The following IQSEC1 variants were observed in gnomAD, a reference collection of about 807,000 sequenced individuals.
IQSEC1 encodes IQ motif and SEC7 domain-containing protein 1.
Under a neutral mutation model 91.0 loss-of-function variants are expected in IQSEC1, and 31 were observed. The ratio of observed to expected loss-of-function variants is 0.34; its 90% CI spans 0.26 to 0.46. The LOEUF (loss-of-function observed/expected upper bound fraction) is 0.46, where lower values mean the gene tolerates loss of function less well. Among genes scored for constraint, IQSEC1 ranks in the 20% least tolerant of loss-of-function variants. IQSEC1 has a pLI of 1.00. For synonymous variants in IQSEC1, 699 were observed against 662.6 expected (o/e 1.05, Z -0.84); for missense variants, 1,388 against 1,575.6 (o/e 0.88, Z 2.02).
At chr3:13,077,113 A>C (rs1251053031), upstream of IQSEC1, among the ~76,000 whole-genome samples, 1 of 151,582 alleles carries the variant, frequency 6.6e-6, no homozygotes, top group Non-Finnish European at 1.5e-5. Context: ...ACCATAGCAC[A>C]CTACAGCCTC....
At chr3:12,959,817 C>T (rs1438519215) in intron 1 of IQSEC1, among the ~76,000 whole-genome samples, 1 of 152,222 alleles carries the variant, frequency 6.6e-6, no homozygotes, top group Non-Finnish European at 1.5e-5. Context: ...GTACGTTGCA[C>T]ATTTTACATA....
chr3:13,045,398 C>T (rs1294029311), intron 1 of IQSEC1, among the ~76,000 whole-genome samples: 3 of 152,198 alleles, frequency 2.0e-5, no homozygotes, highest in Non-Finnish European at 4.4e-5. Context: ...TCCTGAGTGC[C>T]CGACACCCGC....
At chr3:13,084,346 C>A (rs1030749676) in intron 2 of IQSEC1, among the ~76,000 whole-genome samples, 3 of 152,178 alleles carry the variant, frequency 2.0e-5, no homozygotes, top group Admixed American at 6.5e-5. Flanking sequence ...CCCTGACATA[C>A]TCAGCTCAAA....
chr3:13,276,334 C>G (rs922377537), intron 1 of IQSEC1, among the ~76,000 whole-genome samples: 1 of 152,006 alleles, frequency 6.6e-6, no homozygotes, highest in African/African-American at 2.4e-5. Context: ...GTGATCCGCC[C>G]GCCTCGGCCT....
chr3:12,961,052 C>G lies in IQSEC1; in HGVS notation c.24-19187G>C, dbSNP rs545271479. Among the ~76,000 whole-genome samples the G allele has an allele frequency of 2.6e-5, 4 of 152,380 alleles. No individual in the cohort carries two copies. In the East Asian group the frequency reaches 7.7e-4, roughly 29 times the overall value. ...CACTGCAGCAAGCTGCCTCCCCTCCCAGGCAGACAGACCAGCTGAAGAGGA... is the reference window on the plus strand; with the variant it reads ...CACTGCAGCAAGCTGCCTCCCCTCCGAGGCAGACAGACCAGCTGAAGAGGA... On this transcript the variant is annotated intron_variant, in intron 1 of 13. Coordinates refer to ENST00000613206, the MANE Select transcript of IQSEC1 (RefSeq NM_001134382.3).
At chr3:13,014,353 A>G (rs1703020373) in intron 1 of IQSEC1, among the ~76,000 whole-genome samples, 2 of 152,304 alleles carry the variant, frequency 1.3e-5, no homozygotes, top group South Asian at 2.1e-4. Flanking sequence ...TATGGGTTAT[A>G]TGGAAACCCA....
At position 12,909,168 on chromosome 3, in the gene IQSEC1, G is replaced by A; in HGVS notation, c.2578+105C>T. The A allele has an allele frequency of 8.3e-7, 1 of 1,203,664 alleles. No homozygotes were observed. Among genetic ancestry groups the A allele is most frequent in the Non-Finnish European group, 1.2e-6 (1 of 838,250 alleles). 74.6% of individuals were successfully genotyped at this position (1,203,664 alleles called of 1,614,324 possible). ...ATAGGGAAGGCCAGAAAAGACTGGG[G>A]GACATCTTGTCTCTGTGAGCTCAGA... is the stretch of plus-strand genomic sequence containing the variant. On this transcript the variant is annotated intron_variant, in intron 11 of 13. Transcript: ENST00000613206. The surrounding 1 kb of genome is among the most constrained non-coding windows in gnomAD (Gnocchi z 4.9).
Position 12,992,984 on chromosome 3 carries a change from G to A in IQSEC1, c.24-51119C>T, listed in dbSNP as rs867313477. Among the ~76,000 whole-genome samples, 6 of 152,130 alleles carry A rather than the reference G, an allele frequency of 3.9e-5. No individual in the cohort carries two copies. The highest frequency in any genetic ancestry group is 2.0e-4 in the Admixed American group (3 of 15,284). The stretch of plus-strand genomic sequence containing the variant: ...AGGTGGTTTTGTAGCGGGAGGTTGC[G>A]GTGGGGGCGGGGGTCCCACACTCTA... On this transcript the variant is annotated intron_variant, in intron 1 of 13. Transcript: ENST00000613206. This position sits in a 1 kb window ranked among gnomAD's most constrained non-coding sequence, Gnocchi z 4.1.
intron 1 of IQSEC1, among the ~76,000 whole-genome samples, chr3:13,038,297 T>TAA (rs10667212): frequency 4.5e-5 from 6 of 131,978 alleles, no homozygotes; most frequent in Non-Finnish European, 1.6e-5. Flanking sequence ...TATATATATA[T>TAA]AAAATGAAGT....
intron 1 of IQSEC1, among the ~76,000 whole-genome samples, chr3:13,043,531 C>T (rs13081759): frequency 6.6e-6 from 1 of 152,234 alleles, no homozygotes; most frequent in Non-Finnish European, 1.5e-5. Context: ...CTCCAGCACC[C>T]CTCGTGTCTA....
chr3:13,115,904 C>T (rs74970915), intron 2 of IQSEC1, among the ~76,000 whole-genome samples: 15,402 of 152,314 alleles, frequency 0.1, 1,001 homozygotes, highest in South Asian at 0.16. Flanking sequence ...TGCTCCCCAC[C>T]TTCCCATTCT....
chr3:12,912,207 G>A (rs1050308873), intron 9 of IQSEC1, among the ~76,000 whole-genome samples: 21 of 152,210 alleles, frequency 1.4e-4, no homozygotes, highest in African/African-American at 3.6e-4. Flanking sequence ...GGCCCGCCAC[G>A]GTCCTTGGCT....
intron 1 of IQSEC1, among the ~76,000 whole-genome samples, chr3:13,065,125 G>A (rs1204952676): frequency 6.6e-6 from 1 of 152,232 alleles, no homozygotes; most frequent in Non-Finnish European, 1.5e-5. Context: ...GGCTTCCCAT[G>A]GAAGGAGACC....
At chr3:13,146,955 G>C (rs1186901939) in intron 2 of IQSEC1, among the ~76,000 whole-genome samples, 2 of 152,204 alleles carry the variant, frequency 1.3e-5, no homozygotes, top group African/African-American at 4.8e-5. Context: ...GCAGGGTTCA[G>C]AGTATCACTG....
intron 2 of IQSEC1, among the ~76,000 whole-genome samples, chr3:13,148,121 T>C (rs1706927381): frequency 2.0e-5 from 3 of 152,178 alleles, no homozygotes; most frequent in Non-Finnish European, 4.4e-5. Flanking sequence ...TCCACACCAA[T>C]ATCTATTGTT....
chr3:13,236,111 A>G (rs1384559202), intron 1 of IQSEC1, among the ~76,000 whole-genome samples: 1 of 151,778 alleles, frequency 6.6e-6, no homozygotes, highest in Non-Finnish European at 1.5e-5. Flanking sequence ...ACCTTTACTC[A>G]TCTCTGTTCC....
intron 1 of IQSEC1, among the ~76,000 whole-genome samples, chr3:13,017,455 T>G (rs11707817): frequency 6.6e-6 from 1 of 152,210 alleles, no homozygotes; most frequent in Non-Finnish European, 1.5e-5. Context: ...GCCGCCTTGC[T>G]GCTGGGCTCT....
chr3:13,101,681 T>C (rs1335195363), intron 2 of IQSEC1, among the ~76,000 whole-genome samples: 1 of 152,090 alleles, frequency 6.6e-6, no homozygotes, highest in Non-Finnish European at 1.5e-5. Flanking sequence ...AGTCCTGTTT[T>C]GGCTGTGTCC....
At chr3:13,148,418 C>T (rs750503647) in intron 2 of IQSEC1, among the ~76,000 whole-genome samples, 3 of 152,274 alleles carry the variant, frequency 2.0e-5, no homozygotes, top group Middle Eastern at 3.4e-3. Context: ...CACTCTGCCA[C>T]GAATCAAATC....
Sources: allele counts gnomAD v4.1 joint callset (sites outside exome capture counted in the v4.1 genomes callset), GRCh38; gene constraint gnomAD v4.1.1; non-coding constraint Gnocchi (gnomAD v3.1); transcripts MANE v1.5; gene names NCBI Gene and HGNC (gene_info 2026-07-23, HGNC 2026-07-21).